GREM2: variants seen among roughly 807,000 people sequenced by gnomAD.
The protein encoded by GREM2 is gremlin-2.
GREM2 carries 11 observed loss-of-function variants against 14.2 expected under a neutral mutation model. The ratio of observed to expected loss-of-function variants is 0.78; its 90% CI spans 0.49 to 1.28. The LOEUF (loss-of-function observed/expected upper bound fraction) is 1.28. GREM2 is among the 50% of genes most tolerant of loss of function. GREM2 has a pLI of 0.00. For missense variants in GREM2, 210 were observed against 218.5 expected (o/e 0.96, Z 0.24); for synonymous variants, 98 against 97.6 (o/e 1.00, Z -0.02).
intron 1 of GREM2, chr1:240,550,127 A>AT (rs1311186924): frequency 6.6e-6 from 1 of 152,108 alleles, no homozygotes; most frequent in Non-Finnish European, 1.5e-5. Context: ...GGTTCAAGCG[A>AT]TTCCCCTGCC....
At chr1:240,531,070 A>G (rs1002252445) in intron 1 of GREM2, among the ~76,000 whole-genome samples, 5 of 152,208 alleles carry the variant, frequency 3.3e-5, no homozygotes, top group Admixed American at 1.3e-4. Flanking sequence ...ATTTGGTCAC[A>G]AATAATTGGG....
intron 1 of GREM2, among the ~76,000 whole-genome samples, chr1:240,517,608 C>A (rs1677981037): frequency 6.6e-6 from 1 of 152,148 alleles, no homozygotes; most frequent in African/African-American, 2.4e-5. Context: ...AGAAAATGAA[C>A]AATCAAATTA....
At chr1:240,585,678 C>T (rs77345427) in intron 1 of GREM2, among the ~76,000 whole-genome samples, 14 of 139,994 alleles carry the variant, frequency 1.0e-4, no homozygotes, top group African/African-American at 2.7e-4. Flanking sequence ...TTCAGTGAGC[C>T]GAGGTCATGC....
chr1:240,492,397 G>C lies in GREM2; in HGVS notation c.*572C>G. 7.1e-6 allele frequency: 2 copies of C among 281,130 alleles called. No individual in the cohort carries two copies. Among genetic ancestry groups the C allele is most frequent in the South Asian group, 6.3e-5 (2 of 31,738 alleles). The allele number at this position is 281,130 out of a possible 1,614,324, so 17.4% of individuals were successfully genotyped here. On this transcript the variant is annotated 3_prime_UTR_variant, in exon 2 of 2. Coordinates refer to ENST00000318160, the MANE Select transcript of GREM2 (RefSeq NM_022469.4). ...GTCTTCTTGGTATCAGGTTTATTAG[G>C]AGACGCCCCGTCCACCGACATATTT...
intron 1 of GREM2, among the ~76,000 whole-genome samples, chr1:240,555,955 T>C (rs12733042): frequency 0.18 from 27,202 of 152,228 alleles, 3,020 homozygotes; most frequent in Middle Eastern, 0.31. Context: ...AATTTATTTT[T>C]CTAAGGTATG....
chr1:240,599,476 CAA>C (rs1250209829), intron 1 of GREM2, among the ~76,000 whole-genome samples: 1 of 152,108 alleles, frequency 6.6e-6, no homozygotes, highest in Non-Finnish European at 1.5e-5. Context: ...TTTCCTCTGA[CAA>C]ACAGAAGGGG....
At chr1:240,564,012 C>G (rs1247459281) in intron 1 of GREM2, among the ~76,000 whole-genome samples, 1 of 152,070 alleles carries the variant, frequency 6.6e-6, no homozygotes, top group Non-Finnish European at 1.5e-5. Flanking sequence ...GAGTTCAAGG[C>G]CAGCCTGGGC....
rs906372901 is a variant in GREM2 at position 240,540,557 on chromosome 1, A to G, written c.-1-47081T>C. 2.0e-5 allele frequency among the ~76,000 whole-genome samples: 3 copies of G among 151,814 alleles called. No individual in the cohort carries two copies. Among genetic ancestry groups the G allele is most frequent in the Admixed American group, 2.0e-4 (3 of 15,246 alleles). On this transcript the variant is annotated intron_variant, in intron 1 of 1. Coordinates refer to ENST00000318160, the MANE Select transcript of GREM2 (RefSeq NM_022469.4). The surrounding 1 kb of genome is among the most constrained non-coding windows in gnomAD (Gnocchi z 4.2). ...CAAACAGCATGTAAGTCAAAAGAAG[A>G]ATGGTACTTCTTTTTTTTTTTTTTG...
intron 1 of GREM2, among the ~76,000 whole-genome samples, chr1:240,577,327 A>T (rs1679390832): frequency 7.6e-6 from 1 of 130,778 alleles, no homozygotes; most frequent in South Asian, 2.4e-4. Context: ...TGTGTCATAC[A>T]AGGAAAAAAA....
chr1:240,531,729 A>C, intron 1 of GREM2: 1 of 934,850 alleles, frequency 1.1e-6, no homozygotes, highest in African/African-American at 2.0e-5. Context: ...TTTTTTTTTG[A>C]GACAGTTTTG....
At chr1:240,516,158 G>C (rs903305268) in intron 1 of GREM2, among the ~76,000 whole-genome samples, 4 of 146,414 alleles carry the variant, frequency 2.7e-5, no homozygotes, top group Admixed American at 6.8e-5. Flanking sequence ...ATGGGGTCTT[G>C]TTATGTTGCC....
chr1:240,555,753 G>C (rs1014344769), intron 1 of GREM2, among the ~76,000 whole-genome samples: 3 of 152,158 alleles, frequency 2.0e-5, no homozygotes, highest in African/African-American at 7.2e-5. Flanking sequence ...TAAAAAATTT[G>C]TACTGGAAAG....
chr1:240,524,704 T>C (rs899008655), intron 1 of GREM2, among the ~76,000 whole-genome samples: 1 of 152,178 alleles, frequency 6.6e-6, no homozygotes, highest in Admixed American at 6.5e-5. Context: ...AAGTGTGACA[T>C]AAAACAACAA....
At chr1:240,578,101 C>G (rs1679406040) in intron 1 of GREM2, among the ~76,000 whole-genome samples, 1 of 152,074 alleles carries the variant, frequency 6.6e-6, no homozygotes, top group Non-Finnish European at 1.5e-5. Flanking sequence ...TTCCACCATT[C>G]TACTCTCTGC....
chr1:240,518,380 T>C (rs1249917939), intron 1 of GREM2, among the ~76,000 whole-genome samples: 1 of 152,196 alleles, frequency 6.6e-6, no homozygotes, highest in Non-Finnish European at 1.5e-5. Context: ...TCAATCTTTA[T>C]CATCAGTTGG....
intron 1 of GREM2, among the ~76,000 whole-genome samples, chr1:240,568,858 T>C (rs372577479): frequency 1.3e-5 from 2 of 152,264 alleles, no homozygotes; most frequent in East Asian, 3.9e-4. Flanking sequence ...ATAATTGTAC[T>C]TTCATATACT....
chr1:240,574,209 T>C (rs1287914085), intron 1 of GREM2, among the ~76,000 whole-genome samples: 2 of 152,086 alleles, frequency 1.3e-5, no homozygotes, highest in East Asian at 1.9e-4. Flanking sequence ...AGTGAGCCAC[T>C]GCACCCAGCC....
intron 1 of GREM2, among the ~76,000 whole-genome samples, chr1:240,527,872 A>G (rs79267050): frequency 7.0e-4 from 106 of 152,358 alleles, no homozygotes; most frequent in African/African-American, 2.4e-3. Flanking sequence ...ATGTAAAATT[A>G]CAAAACAAAC....
At chr1:240,565,576 G>C (rs1679161138) in intron 1 of GREM2, among the ~76,000 whole-genome samples, 1 of 152,040 alleles carries the variant, frequency 6.6e-6, no homozygotes, top group African/African-American at 2.4e-5. Context: ...AACCAGCCCG[G>C]TGGCTCATGC....
Sources: gnomAD v4.1 joint callset for allele counts (sites outside exome capture counted in the v4.1 genomes callset) on GRCh38, gnomAD v4.1.1 for gene constraint, Gnocchi (gnomAD v3.1) non-coding constraint, MANE v1.5 for transcripts, NCBI Gene and HGNC (gene_info 2026-07-23, HGNC 2026-07-21) for gene names.